EP400: variants seen among roughly 807,000 people sequenced by gnomAD.
EP400 encodes E1A-binding protein p400.
EP400 carries 105 observed loss-of-function variants against 354.1 expected under a neutral mutation model. The ratio of observed to expected loss-of-function variants is 0.30; its 90% CI spans 0.25 to 0.35. The LOEUF (loss-of-function observed/expected upper bound fraction) is 0.35, where lower values mean the gene tolerates loss of function less well. EP400 is among the 10% of genes least tolerant of loss of function. The pLI is 1.00. For missense variants in EP400, 3,280 were observed against 4,121.0 expected, an observed-to-expected ratio of 0.80 and a Z score of 5.59; for synonymous variants, 1,646 against 1,716.9, an observed-to-expected ratio of 0.96 and a Z score of 1.02.
chr12:132,029,980 G>A lies in EP400; in HGVS notation c.5585-9G>A, dbSNP rs746164454. Reference sequence around the variant, plus strand: ...TGATGAGGCGCTCTTGATGTGATTCGTTTCCCAGGGAAGTTGGAAGCTTTA... The same window carrying A: ...TGATGAGGCGCTCTTGATGTGATTCATTTCCCAGGGAAGTTGGAAGCTTTA... On this transcript the variant is annotated splice_polypyrimidine_tract_variant and intron_variant, in intron 28 of 52. Transcript: ENST00000389561. This position sits in a 1 kb window ranked among gnomAD's most constrained non-coding sequence, Gnocchi z 4.7. The A allele has an allele frequency of 1.4e-5, 22 of 1,613,636 alleles. No individual in the cohort carries two copies. Among genetic ancestry groups the A allele is most frequent in the Admixed American group, 5.0e-5 (3 of 59,992 alleles).
At chr12:132,043,791 T>G (rs1894992287) in intron 34 of EP400, 63 bp downstream of exon 34, 3 of 1,401,058 alleles carry the variant, frequency 2.1e-6, no homozygotes, top group Middle Eastern at 1.8e-4. Context: ...TAAGTTTGAT[T>G]TGAAGTAAAT....
intron 15 of EP400, among the ~76,000 whole-genome samples, chr12:132,009,530 A>T (rs1449668177): frequency 6.6e-6 from 1 of 152,188 alleles, no homozygotes; most frequent in East Asian, 1.9e-4. Flanking sequence ...CAGGAACAGC[A>T]CCGAGGCCAG....
chr12:131,980,680 G>A (rs1892651017), intron 3 of EP400, among the ~76,000 whole-genome samples: 1 of 152,092 alleles, frequency 6.6e-6, no homozygotes, highest in African/African-American at 2.4e-5. Flanking sequence ...TGAGTAGCTG[G>A]GACTACAGGC....
Position 132,044,626 on chromosome 12 carries a change from A to T in EP400, c.6586-45A>T, listed in dbSNP as rs1895022552. On this transcript the variant is annotated intron_variant, in intron 35 of 52. Transcript: ENST00000389561. ...TACATGATTTGTGGCTTATAACATG[A>T]CACTGAGACTTGGTGGAAGTCAGAG... 4 of 1,612,158 alleles carry T rather than the reference A, an allele frequency of 2.5e-6. No individual in the cohort carries two copies. In the South Asian group the frequency reaches 4.4e-5, roughly 18 times the overall value.
intron 41 of EP400, among the ~76,000 whole-genome samples, chr12:132,051,594 T>G (rs1895291191): frequency 6.6e-6 from 1 of 152,198 alleles, no homozygotes; most frequent in Non-Finnish European, 1.5e-5. Context: ...TTATTTCTGC[T>G]TATCGGAGAC....
At chr12:132,009,663 T>C (rs950189656) in intron 15 of EP400, among the ~76,000 whole-genome samples, 2 of 152,054 alleles carry the variant, frequency 1.3e-5, no homozygotes, top group Non-Finnish European at 2.9e-5. Context: ...CCTTAGTGTG[T>C]GGTCTGCATC....
At chr12:132,048,518 GA>G (rs1291527199) in intron 39 of EP400, among the ~76,000 whole-genome samples, 5 of 130,184 alleles carry the variant, frequency 3.8e-5, no homozygotes, top group Non-Finnish European at 8.1e-5. Context: ...GTTTGAGAGT[GA>G]TTTTTTTTTT....
At chr12:132,064,926 T>C in intron 48 of EP400, 40 bp downstream of exon 48, 4 of 1,554,842 alleles carry the variant, frequency 2.6e-6, no homozygotes, top group Non-Finnish European at 3.5e-6. Context: ...AAGCAGCATC[T>C]TTTTATGTTT....
chr12:132,009,009 G>A (rs917874155), intron 15 of EP400, among the ~76,000 whole-genome samples: 12 of 140,588 alleles, frequency 8.5e-5, no homozygotes, highest in African/African-American at 3.1e-4. Context: ...GACTTCCCAG[G>A]TGCAAGTGAT....
In EP400 at chr12:132,054,609, G is replaced by A. The variant is rs1337819730; in HGVS notation, c.7729-365G>A. 6.6e-6 allele frequency among the ~76,000 whole-genome samples: 1 copy of A among 152,192 alleles called. No individual in the cohort carries two copies. The highest frequency in any genetic ancestry group is 2.4e-5 in the African/African-American group (1 of 41,442). On this transcript the variant is annotated intron_variant, in intron 43 of 52. Coordinates refer to ENST00000389561, the MANE Select transcript of EP400 (RefSeq NM_015409.5). The surrounding 1 kb of genome is among the most constrained non-coding windows in gnomAD (Gnocchi z 4.0). ...AGAAGAACAAAACAGCAAGTACAGA[G>A]GCCCTGAGCTTGGCTGATATGGGGG...
At chr12:132,059,652 G>A (rs1463913894) in intron 45 of EP400, among the ~76,000 whole-genome samples, 28 of 152,198 alleles carry the variant, frequency 1.8e-4, no homozygotes, top group Admixed American at 1.3e-3. Flanking sequence ...GAGAATCAGC[G>A]GAATGACAGA....
At chr12:132,031,785 G>C (rs1894511782) in intron 29 of EP400, among the ~76,000 whole-genome samples, 168 bp from the exon 30 acceptor site, 1 of 152,180 alleles carries the variant, frequency 6.6e-6, no homozygotes, top group Admixed American at 6.5e-5. Flanking sequence ...TCGATCTGCT[G>C]ACCTTGTGAT....
Position 131,986,608 on chromosome 12 carries a change from G to T in EP400, c.2024G>T (p.Gly675Val). ...ACCTCGTCCCTCGCGCCTGTGAGTG[G>T]CTCCGGCCCAGGACCCTCCCCTGCT... is the stretch of plus-strand genomic sequence containing the variant. ...SSTSSLAPVS[G>V]SGPGPSPARS... Residue 675 changes from glycine (G) to valine (V), a missense_variant, in exon 6 of 53, where the codon GGC becomes GTC. By Grantham distance (109) the Gly-to-Val change is moderately radical. Transcript: ENST00000389561. The T allele has an allele frequency of 6.2e-7, 1 of 1,613,924 alleles. No individual in the cohort carries two copies.
chr12:132,017,703 G>A lies in EP400; in HGVS notation c.4092G>A (p.Leu1364=). ...CCGCATCTCTAATCCTGAAGGCACT[G>A]GAGAGAGATTTCTGGAAGGTAAGTG... ...YPSASLILKA[L]ERDFWKEADL... The change falls in exon 20 of 53, where the codon CTG becomes CTA. Residue 1364 remains leucine, a synonymous_variant. Transcript: ENST00000389561. This position sits in a 1 kb window ranked among gnomAD's most constrained non-coding sequence, Gnocchi z 5.0. The A allele has an allele frequency of 1.3e-6, 2 of 1,525,922 alleles. No individual in the cohort carries two copies. Among genetic ancestry groups the A allele is most frequent in the Non-Finnish European group, 8.8e-7 (1 of 1,137,656 alleles). 94.5% of individuals were successfully genotyped at this position (1,525,922 alleles called of 1,614,324 possible). A position where few individuals can be genotyped will look rare whatever the true frequency, so the allele number is the denominator to read the frequency against.
chr12:131,996,202 ACGTGTGCATGAGT>A (rs1359222552), intron 12 of EP400, among the ~76,000 whole-genome samples: 1 of 151,780 alleles, frequency 6.6e-6, no homozygotes, highest in African/African-American at 2.4e-5. Flanking sequence ...TTCCCCAGGC[ACGTGTGCATGAGT>A]GGCTTGCCTG....
chr12:132,037,346 A>G (rs1352360032), intron 30 of EP400, among the ~76,000 whole-genome samples: 1 of 152,234 alleles, frequency 6.6e-6, no homozygotes, highest in Non-Finnish European at 1.5e-5. Flanking sequence ...TGAAAGCTTC[A>G]GAGAAGATAG....
At chr12:132,002,989 A>G (rs936207799) in intron 12 of EP400, among the ~76,000 whole-genome samples, 26 of 152,232 alleles carry the variant, frequency 1.7e-4, no homozygotes, top group African/African-American at 5.8e-4. Context: ...TTTCAAATCC[A>G]TGAATTTGAT....
At position 132,050,856 on chromosome 12, in the gene EP400, C is replaced by A. The variant is rs2136587276; in HGVS notation, c.7394+201C>A. The A allele has an allele frequency of 6.4e-6, 4 of 624,320 alleles. No individual in the cohort carries two copies. The highest frequency in any genetic ancestry group is 5.5e-5 in the East Asian group (2 of 36,364). 38.7% of individuals were successfully genotyped at this position (624,320 alleles called of 1,614,324 possible). ...ATGCATAGGACGGCCCCTGCCCTGT[C>A]TCTGTGTTACAGGGATTGTCCTTGC... On this transcript the variant is annotated intron_variant, in intron 41 of 52. Transcript: ENST00000389561. This position sits in a 1 kb window ranked among gnomAD's most constrained non-coding sequence, Gnocchi z 4.8.
At chr12:132,051,337 G>A (rs954262689) in intron 41 of EP400, among the ~76,000 whole-genome samples, 2 of 152,166 alleles carry the variant, frequency 1.3e-5, no homozygotes. Context: ...TAGAAATAAA[G>A]ACACAAGACA....
Sources: gnomAD v4.1 joint callset for allele counts (sites outside exome capture counted in the v4.1 genomes callset) on GRCh38, gnomAD v4.1.1 for gene constraint, Gnocchi (gnomAD v3.1) non-coding constraint, MANE v1.5 for transcripts, NCBI Gene and HGNC (gene_info 2026-07-23, HGNC 2026-07-21) for gene names.